TAF4: variants seen among roughly 807,000 people sequenced by gnomAD.
TAF4 encodes TATA-box binding protein associated factor 4, also known as transcription initiation factor TFIID subunit 4.
TAF4 carries 9 observed loss-of-function variants against 90.3 expected under a neutral mutation model. The ratio of observed to expected loss-of-function variants is 0.10; its 90% CI spans 0.06 to 0.17. The LOEUF is 0.17. TAF4 is among the 10% of genes least tolerant of loss of function. The pLI is 1.00. For missense variants in TAF4, 1,351 were observed against 1,370.7 expected (o/e 0.99, Z 0.23); for synonymous variants, 818 against 638.9 (o/e 1.28, Z -4.23).
chr20:62,017,556 A>G (rs764099956), intron 1 of TAF4, among the ~76,000 whole-genome samples: 4 of 152,144 alleles, frequency 2.6e-5, no homozygotes, highest in African/African-American at 4.8e-5. Flanking sequence ...CTGAGGCAGG[A>G]GAATGGCATT....
chr20:62,044,890 G>A (rs1015105977), intron 1 of TAF4, among the ~76,000 whole-genome samples: 7 of 152,326 alleles, frequency 4.6e-5, no homozygotes, highest in Admixed American at 2.6e-4. Context: ...ACAGGATGAG[G>A]CTGATGTCTT....
intron 1 of TAF4, among the ~76,000 whole-genome samples, chr20:62,046,002 T>C (rs1028005429): frequency 6.6e-6 from 1 of 152,194 alleles, no homozygotes; most frequent in Non-Finnish European, 1.5e-5. Flanking sequence ...ACAGCCAGCA[T>C]CAGATTTAAG....
chr20:61,996,193 G>A (rs2055661593), intron 14 of TAF4, among the ~76,000 whole-genome samples: 1 of 152,090 alleles, frequency 6.6e-6, no homozygotes, highest in Admixed American at 6.6e-5. Flanking sequence ...ATGCTACATG[G>A]TGAGACCCTG....
chr20:62,046,924 T>A (rs1259879435), intron 1 of TAF4, among the ~76,000 whole-genome samples: 1 of 152,234 alleles, frequency 6.6e-6, no homozygotes, highest in Non-Finnish European at 1.5e-5. Flanking sequence ...GTCGTCTTGT[T>A]ATTTAGTCGT....
At position 62,006,558 on chromosome 20, in the gene TAF4, C is replaced by T. The variant is rs751595601; in HGVS notation, c.2175G>A (p.Thr725=). 22 of 1,580,514 alleles carry T rather than the reference C, an allele frequency of 1.4e-5. No individual in the cohort carries two copies. Among genetic ancestry groups the T allele is most frequent in the South Asian group, 8.0e-5 (7 of 87,974 alleles). The change falls in exon 7 of 15, where the codon ACG becomes ACA. Residue 725 remains threonine (T), a synonymous_variant. Transcript: ENST00000252996. This position sits in a 1 kb window ranked among gnomAD's most constrained non-coding sequence, Gnocchi z 7.0. ...SALQPPVLSL[T]QPTQVGVGKQ... The stretch of plus-strand genomic sequence containing the variant: ...TGCCGACGCCGACCTGCGTGGGCTG[C>T]GTGAGGCTGAGCACAGGGGGCTGGA...
intron 1 of TAF4, among the ~76,000 whole-genome samples, chr20:62,054,696 C>T (rs532134335): frequency 2.6e-5 from 4 of 152,248 alleles, no homozygotes; most frequent in East Asian, 1.9e-4. Flanking sequence ...TGGCCTCTCC[C>T]GGCACTCCTC....
intron 7 of TAF4, chr20:62,005,851 G>A (rs1600839559): frequency 6.6e-6 from 1 of 152,334 alleles, no homozygotes; most frequent in South Asian, 2.1e-4. Context: ...TGTTTAAGCT[G>A]TCTTTAGAGG....
At chr20:61,997,138 T>G (rs897861792) in intron 14 of TAF4, among the ~76,000 whole-genome samples, 1 of 152,204 alleles carries the variant, frequency 6.6e-6, no homozygotes, top group Non-Finnish European at 1.5e-5. Flanking sequence ...CTAATGGAAT[T>G]TGGAGAAACA....
intron 1 of TAF4, among the ~76,000 whole-genome samples, chr20:62,033,851 G>A (rs1214648802): frequency 6.6e-6 from 1 of 151,986 alleles, no homozygotes; most frequent in African/African-American, 2.4e-5. Flanking sequence ...GACCATCCTG[G>A]CTAACACGGT....
chr20:61,997,616 T>C lies in TAF4; in HGVS notation c.3024A>G (p.Ala1008=). ...QMRQRDANLT[A]LAAIGPRKKR... ...TTTTCCTGGGCCCGATCGCTGCTAG[T>C]GCTGTGAGGTTGGCGTCCCGCTGTC... The change falls in exon 14 of 15, where the codon GCA becomes GCG. Residue 1008 remains alanine, a synonymous_variant. Transcript: ENST00000252996. 6.2e-7 allele frequency: 1 copy of C among 1,613,828 alleles called. No homozygotes were observed. The highest frequency in any genetic ancestry group is 8.5e-7 in the Non-Finnish European group (1 of 1,179,932).
intron 14 of TAF4, chr20:61,981,048 G>A (rs1349785097): frequency 6.6e-6 from 1 of 152,466 alleles, no homozygotes; most frequent in Non-Finnish European, 1.5e-5. Context: ...TGGTGAGGCA[G>A]AAAAGAAGGA....
rs116185796 is a variant in TAF4 at position 62,055,620 on chromosome 20, G to A, written c.1360+8831C>T. ...ACAATATCAATTCACACTATCAGAG[G>A]GCAGCCCTACAATCTACACGGGGGA... On this transcript the variant is annotated intron_variant, in intron 1 of 14. Transcript: ENST00000252996. Among the ~76,000 whole-genome samples the A allele has an allele frequency of 3.0e-3, 464 of 152,246 alleles. 3 individuals carry two copies. The highest frequency in any genetic ancestry group is 0.01 in the African/African-American group (432 of 41,548).
intron 1 of TAF4, among the ~76,000 whole-genome samples, chr20:62,045,244 C>A (rs935918747): frequency 1.3e-5 from 2 of 152,336 alleles, no homozygotes; most frequent in Middle Eastern, 3.4e-3. Context: ...TCCCGCACCT[C>A]CTGGCCCATG....
rs1470292204 is a variant in TAF4 at position 62,065,271 on chromosome 20, G to C, written c.540C>G (p.Pro180=). The change falls in exon 1 of 15, where the codon CCC becomes CCG. Residue 180 remains proline, a synonymous_variant. Transcript: ENST00000252996. ...AGPGPGPGPG[P]GPGPGPGKPA... is the part of the protein sequence containing the mutation. ...GCTTGCCAGGGCCAGGGCCGGGGCCGGGGCCGGGGCCGGGCCCGGGGCCGG... is the reference window on the plus strand; with the variant it reads ...GCTTGCCAGGGCCAGGGCCGGGGCCCGGGCCGGGGCCGGGCCCGGGGCCGG... 2.1e-6 allele frequency: 2 copies of C among 935,216 alleles called. No individual in the cohort carries two copies. The highest frequency in any genetic ancestry group is 1.3e-6 in the Non-Finnish European group (1 of 791,430). 57.9% of individuals were successfully genotyped at this position (935,216 alleles called of 1,614,324 possible).
At chr20:62,023,869 G>A (rs1393340736) in intron 1 of TAF4, among the ~76,000 whole-genome samples, 1 of 151,974 alleles carries the variant, frequency 6.6e-6, no homozygotes, top group East Asian at 1.9e-4. Context: ...GATCGCCTGA[G>A]GTCAGGAGTT....
chr20:62,064,471 TG>T lies in TAF4; in HGVS notation c.1339del (p.Gln447ArgfsTer20). ...CTCACCTGGGGGCAGCTGGAAGTTC[TG>T]GATGTTGGTCGGGTTCTGAGGCGGC... ...PQPPQNPTNI[Q>X]NFQLPPGMVL... On this transcript the variant is annotated frameshift_variant, in exon 1 of 15. Coordinates refer to ENST00000252996, the MANE Select transcript of TAF4 (RefSeq NM_003185.4). LOFTEE classifies it high-confidence loss of function. 6.7e-7 allele frequency: 1 copy of T among 1,483,868 alleles called. No individual in the cohort carries two copies. The highest frequency in any genetic ancestry group is 1.3e-5 in the South Asian group (1 of 74,910). The allele number at this position is 1,483,868 out of a possible 1,614,324, so 91.9% of individuals were successfully genotyped here.
At chr20:62,052,758 C>A (rs1159597283) in intron 1 of TAF4, among the ~76,000 whole-genome samples, 3 of 146,362 alleles carry the variant, frequency 2.0e-5, no homozygotes, top group Admixed American at 6.8e-5. Flanking sequence ...ACCCCACACC[C>A]CGGGTCCCTC....
chr20:62,030,921 A>C (rs893620753), intron 1 of TAF4, among the ~76,000 whole-genome samples: 3 of 152,132 alleles, frequency 2.0e-5, no homozygotes, highest in African/African-American at 4.8e-5. Context: ...ACCTCTTCTC[A>C]GTACTCAATT....
chr20:62,053,748 C>T (rs567221758), intron 1 of TAF4, among the ~76,000 whole-genome samples: 180 of 152,378 alleles, frequency 1.2e-3, no homozygotes, highest in African/African-American at 4.1e-3. Flanking sequence ...ACCCGTATCC[C>T]ACCCTGCCCC....
Sources: gnomAD v4.1 joint callset for allele counts (sites outside exome capture counted in the v4.1 genomes callset) on GRCh38, gnomAD v4.1.1 for gene constraint, Gnocchi (gnomAD v3.1) non-coding constraint, MANE v1.5 for transcripts, NCBI Gene and HGNC (gene_info 2026-07-23, HGNC 2026-07-21) for gene names.